Variants in RPS6KA5 observed in about 807,000 individuals in gnomAD.
RPS6KA5 encodes the protein ribosomal protein S6 kinase A5.
A neutral mutation model predicts 85.5 loss-of-function variants in RPS6KA5; 27 were observed. The observed-to-expected ratio is 0.32, with a 90% CI of 0.23 to 0.44. RPS6KA5 has a LOEUF of 0.44. Among genes scored for constraint, RPS6KA5 ranks in the 20% least tolerant of loss-of-function variants. The probability of loss-of-function intolerance (pLI) is 1.00; values close to 1 mark genes in which losing one functional copy is unlikely to be tolerated. For synonymous variants in RPS6KA5, 334 were observed against 348.2 expected, an observed-to-expected ratio of 0.96 and a Z score of 0.46; for missense variants, 811 against 980.9, an observed-to-expected ratio of 0.83 and a Z score of 2.31.
Position 91,044,373 on chromosome 14 carries a change from GAAGGAA to G in RPS6KA5, c.103+15953_103+15958del, listed in dbSNP as rs2042754703. 6.5e-3 allele frequency among the ~76,000 whole-genome samples: 86 copies of G among 13,296 alleles called. 4 individuals carry two copies. The highest frequency in any genetic ancestry group is 0.028 in the Middle Eastern group (1 of 36). 8.7% of individuals were successfully genotyped at this position (13,296 alleles called of 152,430 possible). A position where few individuals can be genotyped will look rare whatever the true frequency, so the allele number is the denominator to read the frequency against. On this transcript the variant is annotated intron_variant, in intron 1 of 16. Coordinates refer to ENST00000614987, the MANE Select transcript of RPS6KA5 (RefSeq NM_004755.4). The stretch of plus-strand genomic sequence containing the variant: ...AAAGAAAGAAAGAAAGAGAAAGAAA[GAAGGAA>G]AGAAAGAAAGAAGGAAAGAAAGAAA...
At chr14:90,899,228 T>C (rs2035014189) in intron 12 of RPS6KA5, 101 bp downstream of exon 12, 3 of 763,548 alleles carry the variant, frequency 3.9e-6, no homozygotes, top group Admixed American at 5.1e-5. Context: ...ATGTTCTATA[T>C]CCCTGACTCT....
rs772822945 is a variant in RPS6KA5 at position 90,872,204 on chromosome 14, C to T, written c.2279G>A (p.Ser760Asn). 1.2e-6 allele frequency: 2 copies of T among 1,613,916 alleles called. No homozygotes were observed. The highest frequency in any genetic ancestry group is 1.7e-6 in the Non-Finnish European group (2 of 1,179,982). Residue 760 changes from serine (S) to asparagine (N), a missense_variant, in exon 17 of 17, where the codon AGT becomes AAT. This residue lies in a region of RPS6KA5 where 650 missense variants were observed against 793.4 expected (regional missense o/e 0.82). Transcript: ENST00000614987. ...AGAGGAAGAAGAATGGGAACTCTCA[C>T]TGGAACTGCTGCGCGTCTCGGTACT... The part of the protein sequence containing the change: ...STSTETRSSS[S>N]ESSHSSSSHS...
intron 3 of RPS6KA5, among the ~76,000 whole-genome samples, chr14:90,953,159 CA>C (rs545570915): frequency 2.6e-5 from 4 of 152,296 alleles, no homozygotes; most frequent in South Asian, 2.1e-4. Flanking sequence ...GGCAGAGGAA[CA>C]TAAACTGTGA....
intron 1 of RPS6KA5, among the ~76,000 whole-genome samples, chr14:91,051,490 A>T (rs549141637): frequency 6.6e-6 from 1 of 150,542 alleles, no homozygotes; most frequent in Admixed American, 6.6e-5. Context: ...ACATCCTTTT[A>T]TTTTTTTATT....
chr14:90,905,215 A>ATT (rs2035435566), intron 8 of RPS6KA5, among the ~76,000 whole-genome samples: 1 of 151,982 alleles, frequency 6.6e-6, no homozygotes, highest in African/African-American at 2.4e-5. Context: ...ATCAATATTT[A>ATT]TTTTTATATA....
chr14:90,972,064 GC>G (rs1440657186), intron 3 of RPS6KA5, among the ~76,000 whole-genome samples: 1 of 152,194 alleles, frequency 6.6e-6, no homozygotes, highest in African/African-American at 2.4e-5. Flanking sequence ...AAGAAACATG[GC>G]TAGGAAGTAA....
rs1336512186 is a variant in RPS6KA5 at position 90,863,714 on chromosome 14, T to G, written c.*8360A>C. 6.6e-6 allele frequency: 1 copy of G among 152,174 alleles called. No individual in the cohort carries two copies. The highest frequency in any genetic ancestry group is 1.9e-4 in the East Asian group (1 of 5,196). The allele number at this position is 152,174 out of a possible 1,614,324, so 9.4% of individuals were successfully genotyped here. A position where few individuals can be genotyped will look rare whatever the true frequency, so the allele number is the denominator to read the frequency against. ...AATCTAACCTCTACATGTAAATCTATAAAACACTGGTGAGACAAATTAAAT... is the reference window on the plus strand; with the variant it reads ...AATCTAACCTCTACATGTAAATCTAGAAAACACTGGTGAGACAAATTAAAT... On this transcript the variant is annotated 3_prime_UTR_variant, in exon 17 of 17. Coordinates refer to ENST00000614987, the MANE Select transcript of RPS6KA5 (RefSeq NM_004755.4).
intron 3 of RPS6KA5, among the ~76,000 whole-genome samples, chr14:90,949,776 T>C (rs142082444): frequency 1.3e-5 from 2 of 152,356 alleles, no homozygotes; most frequent in African/African-American, 4.8e-5. Context: ...TAACTACTTA[T>C]GAATTATTGT....
At chr14:90,916,113 C>A (rs1228328859) in intron 7 of RPS6KA5, among the ~76,000 whole-genome samples, 2 of 151,892 alleles carry the variant, frequency 1.3e-5, no homozygotes, top group Non-Finnish European at 2.9e-5. Flanking sequence ...CAGGCAGGAC[C>A]AAAATTAACA....
chr14:90,988,247 C>T (rs978061916), intron 2 of RPS6KA5, among the ~76,000 whole-genome samples: 5 of 152,236 alleles, frequency 3.3e-5, no homozygotes, highest in African/African-American at 1.2e-4. Flanking sequence ...AAAAAATACT[C>T]ATTAAGAAAT....
chr14:90,853,832 A>G lies in RPS6KA5; in HGVS notation c.*18242T>C, dbSNP rs1426994610. On this transcript the variant is annotated 3_prime_UTR_variant, in exon 17 of 17. Coordinates refer to ENST00000614987, the MANE Select transcript of RPS6KA5 (RefSeq NM_004755.4). ...TTTAGGAAATCAATGTGGTGTTACT[A>G]GTTTATGTGTATCCCATTATTCATT... is the stretch of plus-strand genomic sequence containing the variant. 1 of 152,228 alleles carries G rather than the reference A, an allele frequency of 6.6e-6. No homozygotes were observed. Among genetic ancestry groups the G allele is most frequent in the African/African-American group, 2.4e-5 (1 of 41,470 alleles). The allele number at this position is 152,228 out of a possible 1,614,324, so 9.4% of individuals were successfully genotyped here. A position where few individuals can be genotyped will look rare whatever the true frequency, so the allele number is the denominator to read the frequency against.
Position 90,884,442 on chromosome 14 carries a change from G to A in RPS6KA5, c.1836+6045C>T, listed in dbSNP as rs554698076. Among the ~76,000 whole-genome samples the A allele has an allele frequency of 5.3e-5, 8 of 152,236 alleles. 1 individual carries two copies. The highest frequency in any genetic ancestry group is 1.9e-4 in the East Asian group (1 of 5,186). ...CCAGTATGTATTCTGCAAATATGCCGAAATCCAAAGAAATCCGAAATCCAA... is the reference window on the plus strand; with the variant it reads ...CCAGTATGTATTCTGCAAATATGCCAAAATCCAAAGAAATCCGAAATCCAA... On this transcript the variant is annotated intron_variant, in intron 14 of 16. Transcript: ENST00000614987.
At chr14:90,881,563 C>A (rs533660869) in intron 14 of RPS6KA5, among the ~76,000 whole-genome samples, 5 of 152,124 alleles carry the variant, frequency 3.3e-5, no homozygotes, top group Admixed American at 1.3e-4. Context: ...TGCAATGGCA[C>A]AATGTTGGCT....
At chr14:90,918,860 A>G (rs1444391348) in intron 7 of RPS6KA5, among the ~76,000 whole-genome samples, 1 of 152,172 alleles carries the variant, frequency 6.6e-6, no homozygotes, top group Non-Finnish European at 1.5e-5. Context: ...AATGTCTTAA[A>G]TTACTGTAAC....
At chr14:90,979,758 T>G (rs1169207300) in intron 2 of RPS6KA5, among the ~76,000 whole-genome samples, 1 of 152,366 alleles carries the variant, frequency 6.6e-6, no homozygotes, top group African/African-American at 2.4e-5. Context: ...CACTTAATCC[T>G]CAAAACAGCC....
chr14:90,934,669 T>A (rs1449496589), intron 5 of RPS6KA5, among the ~76,000 whole-genome samples: 1 of 152,106 alleles, frequency 6.6e-6, no homozygotes, highest in African/African-American at 2.4e-5. Context: ...TTAAAAAAAA[T>A]CGTATTATGA....
chr14:90,926,546 C>T (rs1364405805), intron 5 of RPS6KA5, among the ~76,000 whole-genome samples: 1 of 151,836 alleles, frequency 6.6e-6, no homozygotes, highest in African/African-American at 2.4e-5. Context: ...GTGGTGGTTA[C>T]AAGGGTGCTG....
intron 1 of RPS6KA5, 157 bp downstream of exon 1, chr14:91,060,175 C>A (rs1002037312): frequency 1.5e-5 from 15 of 969,188 alleles, no homozygotes; most frequent in Non-Finnish European, 1.8e-5. Flanking sequence ...CCTCCCGGGA[C>A]CCCCGGGGCA....
intron 2 of RPS6KA5, among the ~76,000 whole-genome samples, chr14:91,000,464 A>T (rs983791214): frequency 4.6e-5 from 7 of 152,214 alleles, no homozygotes; most frequent in Non-Finnish European, 1.0e-4. Flanking sequence ...AGTACTTGGC[A>T]TCTAACAAGC....
Sources: gnomAD v4.1 joint callset for allele counts (sites outside exome capture counted in the v4.1 genomes callset) on GRCh38, gnomAD v4.1.1 for gene constraint, gnomAD v4.1.1 regional missense constraint, MANE v1.5 for transcripts, NCBI Gene and HGNC (gene_info 2026-07-23, HGNC 2026-07-21) for gene names.